Variants in AP1S3 observed in about 807,000 individuals in gnomAD.
AP1S3 encodes the protein AP-1 complex subunit sigma-3.
AP1S3 carries 10 observed loss-of-function variants against 20.9 expected under a neutral mutation model. That is an observed-to-expected ratio of 0.48 (90% CI 0.29 to 0.81). AP1S3 has a LOEUF of 0.81. Ranked by LOEUF, AP1S3 falls within the 30% of genes least tolerant of loss-of-function variation. The probability of loss-of-function intolerance (pLI) is 0.08; values close to 1 mark genes in which losing one functional copy is unlikely to be tolerated. For missense variants in AP1S3, 154 were observed against 183.8 expected, an observed-to-expected ratio of 0.84 and a Z score of 0.94; for synonymous variants, 41 against 61.5, an observed-to-expected ratio of 0.67 and a Z score of 1.56.
intron 1 of AP1S3, among the ~76,000 whole-genome samples, chr2:223,795,184 G>A (rs1341229158): frequency 6.6e-6 from 1 of 152,198 alleles, no homozygotes; most frequent in Admixed American, 6.5e-5. Flanking sequence ...AGGAGGTAGA[G>A]GTTGCGATGA....
intron 1 of AP1S3, among the ~76,000 whole-genome samples, chr2:223,830,415 G>T (rs558064152): frequency 1.3e-5 from 2 of 150,716 alleles, no homozygotes; most frequent in African/African-American, 4.9e-5. Flanking sequence ...GGAGGCAGAG[G>T]TTGCAGTGAG....
At chr2:223,774,646 A>G (rs1690720844) in intron 3 of AP1S3, among the ~76,000 whole-genome samples, 1 of 152,194 alleles carries the variant, frequency 6.6e-6, no homozygotes, top group Non-Finnish European at 1.5e-5. Context: ...GAAAAGCAAA[A>G]TTGAAATCCC....
At chr2:223,792,355 C>T (rs1040760819) in intron 1 of AP1S3, among the ~76,000 whole-genome samples, 1 of 152,082 alleles carries the variant, frequency 6.6e-6, no homozygotes, top group African/African-American at 2.4e-5. Context: ...GACCATGGAA[C>T]AGAATAGAAA....
intron 4 of AP1S3, among the ~76,000 whole-genome samples, chr2:223,760,459 C>T (rs1690328620): frequency 6.6e-6 from 1 of 152,174 alleles, no homozygotes; most frequent in Non-Finnish European, 1.5e-5. Flanking sequence ...TCTAGAATTC[C>T]AGAGTTCTGC....
intron 4 of AP1S3, among the ~76,000 whole-genome samples, chr2:223,760,781 G>A (rs1275240324): frequency 6.6e-6 from 1 of 152,152 alleles, no homozygotes. Context: ...ATAAAAAATG[G>A]TTGCATGTTA....
Position 223,756,719 on chromosome 2 carries a change from C to T in AP1S3, c.*1996G>A. 1.0e-6 allele frequency: 1 copy of T among 985,312 alleles called. No homozygotes were observed. Among genetic ancestry groups the T allele is most frequent in the Non-Finnish European group, 1.2e-6 (1 of 829,900 alleles). The allele number at this position is 985,312 out of a possible 1,614,324, so 61.0% of individuals were successfully genotyped here. ...TATTGAGGAATTGGTGAATTTTTCCCTTTGTTCTCCTGCTTGCTTTGCTGT... is the reference window on the plus strand; with the variant it reads ...TATTGAGGAATTGGTGAATTTTTCCTTTTGTTCTCCTGCTTGCTTTGCTGT... On this transcript the variant is annotated 3_prime_UTR_variant, in exon 5 of 5. Coordinates refer to ENST00000396654, the MANE Select transcript of AP1S3 (RefSeq NM_001039569.2).
chr2:223,798,875 C>T (rs1214342092), intron 1 of AP1S3, among the ~76,000 whole-genome samples: 2 of 152,114 alleles, frequency 1.3e-5, no homozygotes, highest in Admixed American at 6.6e-5. Flanking sequence ...AGTTTGAGAC[C>T]AGCCTGGCCA....
intron 1 of AP1S3, among the ~76,000 whole-genome samples, chr2:223,790,557 GT>G (rs1336948177): frequency 2.6e-5 from 4 of 151,770 alleles, no homozygotes; most frequent in African/African-American, 9.7e-5. Context: ...ACCTAATGTA[GT>G]TTTTTTTCAA....
At chr2:223,771,949 A>T (rs937476589) in intron 3 of AP1S3, among the ~76,000 whole-genome samples, 1 of 152,054 alleles carries the variant, frequency 6.6e-6, no homozygotes, top group Non-Finnish European at 1.5e-5. Context: ...TCTACCAAAA[A>T]TACAAAAATT....
intron 1 of AP1S3, among the ~76,000 whole-genome samples, chr2:223,786,889 A>G (rs1037515437): frequency 6.6e-6 from 1 of 152,044 alleles, no homozygotes. Context: ...TGGGTGACAA[A>G]GTGAGACCCT....
intron 3 of AP1S3, among the ~76,000 whole-genome samples, chr2:223,768,352 C>T (rs1056824241): frequency 2.0e-5 from 3 of 152,120 alleles, no homozygotes; most frequent in African/African-American, 7.2e-5. Flanking sequence ...TTCCCCACAT[C>T]CCCTTTTCCC....
chr2:223,775,935 C>G lies in AP1S3; in HGVS notation c.257G>C (p.Arg86Pro), dbSNP rs769091334. 1 of 1,613,958 alleles carries G rather than the reference C, an allele frequency of 6.2e-7. No homozygotes were observed. The highest frequency in any genetic ancestry group is 8.5e-7 in the Non-Finnish European group (1 of 1,179,990). Residue 86 changes from arginine to proline, a missense_variant, in exon 3 of 5, where the codon CGT becomes CCT. By Grantham distance (103) the Arg-to-Pro change is moderately radical. Coordinates refer to ENST00000396654, the MANE Select transcript of AP1S3 (RefSeq NM_001039569.2). ...ATATTTGTCCAGCAGCTCCACGTAA[C>G]GATGCACAATCTCTAGCGTCAAGAG... ...NELLTLEIVH[R>P]YVELLDKYFG...
At chr2:223,825,950 A>C (rs1692118875) in intron 1 of AP1S3, among the ~76,000 whole-genome samples, 1 of 152,134 alleles carries the variant, frequency 6.6e-6, no homozygotes, top group African/African-American at 2.4e-5. Flanking sequence ...CTGGGACCAG[A>C]GGTTGCAGTG....
At chr2:223,776,313 C>T (rs2106089141) in intron 2 of AP1S3, among the ~76,000 whole-genome samples, 1 of 152,268 alleles carries the variant, frequency 6.6e-6, no homozygotes, top group South Asian at 2.1e-4. Context: ...TCTTCACACC[C>T]CTCTCCAGCT....
At chr2:223,777,338 T>A (rs1690807633) in intron 2 of AP1S3, among the ~76,000 whole-genome samples, 1 of 152,160 alleles carries the variant, frequency 6.6e-6, no homozygotes, top group African/African-American at 2.4e-5. Flanking sequence ...GAAGTTGCAG[T>A]GAGCCAAGAT....
At chr2:223,824,638 A>G (rs1483916350) in intron 1 of AP1S3, among the ~76,000 whole-genome samples, 1 of 151,772 alleles carries the variant, frequency 6.6e-6, no homozygotes, top group Non-Finnish European at 1.5e-5. Context: ...CCCAGGTCCA[A>G]GTGATTCTCC....
chr2:223,796,813 G>A (rs1691348521), intron 1 of AP1S3, among the ~76,000 whole-genome samples: 3 of 152,080 alleles, frequency 2.0e-5, no homozygotes, highest in South Asian at 2.1e-4. Flanking sequence ...ACAGGTGCCC[G>A]CCACTGCGCC....
intron 1 of AP1S3, among the ~76,000 whole-genome samples, chr2:223,803,454 C>T (rs1446697908): frequency 6.6e-6 from 1 of 152,138 alleles, no homozygotes; most frequent in African/African-American, 2.4e-5. Context: ...TTTTTCCTAA[C>T]AGCATGGCAC....
chr2:223,799,924 T>C (rs1691426703), intron 1 of AP1S3, among the ~76,000 whole-genome samples: 1 of 152,168 alleles, frequency 6.6e-6, no homozygotes, highest in South Asian at 2.1e-4. Context: ...AATCAATTAA[T>C]GTATGGCCAG....
Sources: allele counts gnomAD v4.1 joint callset (sites outside exome capture counted in the v4.1 genomes callset), GRCh38; gene constraint gnomAD v4.1.1; transcripts MANE v1.5; gene names NCBI Gene and HGNC (gene_info 2026-07-23, HGNC 2026-07-21).